Variants in ZSCAN25 observed in about 807,000 individuals in gnomAD.
ZSCAN25 encodes zinc finger and SCAN domain containing 25.
ZSCAN25 carries 27 observed loss-of-function variants against 38.7 expected under a neutral mutation model. The observed-to-expected ratio is 0.70, with a 90% CI of 0.51 to 0.96. The LOEUF is 0.96. Ranked by LOEUF, ZSCAN25 falls within the 40% of genes least tolerant of loss-of-function variation. The pLI, the probability that ZSCAN25 is intolerant of heterozygous loss-of-function variation, is 0.00. For missense variants in ZSCAN25, 637 were observed against 705.9 expected, an observed-to-expected ratio of 0.90 and a Z score of 1.11; for synonymous variants, 273 against 277.7, an observed-to-expected ratio of 0.98 and a Z score of 0.17.
chr7:99,632,986 G>GTTTTTTTTTTTTT (rs201141594), downstream of ZSCAN25, among the ~76,000 whole-genome samples: 6 of 141,464 alleles, frequency 4.2e-5, no homozygotes, highest in East Asian at 2.2e-4. Flanking sequence ...TGCATTTTCT[G>GTTTTTTTTTTTTT]TTGTTTTTTT....
At chr7:99,679,952 C>T in the ZSCAN25 span, 2 of 1,503,034 alleles carry the variant, frequency 1.3e-6, no homozygotes, top group African/African-American at 2.8e-5. Context: ...CTGAGTGCTG[C>T]TGTTTGCTGG....
At chr7:99,709,325 T>C in the ZSCAN25 span, 1 of 1,569,574 alleles carries the variant, frequency 6.4e-7, no homozygotes, top group Non-Finnish European at 8.7e-7. Context: ...ACTCAGTCCA[T>C]GTAGTACTGT....
chr7:99,628,050 G>A lies in ZSCAN25; in HGVS notation c.806-1141G>A, dbSNP rs528216666. On this transcript the variant is annotated intron_variant, in intron 7 of 7. Coordinates refer to ENST00000394152, the MANE Select transcript of ZSCAN25 (RefSeq NM_145115.3). Reference sequence around the variant, plus strand: ...GAGGGTCACTTGAGCCCAGGAATTCGAGACCAGCCTGGGCAACATAGTGAG... The same window carrying A: ...GAGGGTCACTTGAGCCCAGGAATTCAAGACCAGCCTGGGCAACATAGTGAG... 7.2e-5 allele frequency among the ~76,000 whole-genome samples: 11 copies of A among 151,976 alleles called. No homozygotes were observed. The East Asian group carries it at 1.5e-3, about 21-fold the overall frequency.
the ZSCAN25 span, among the ~76,000 whole-genome samples, chr7:99,673,687 T>G: frequency 6.6e-6 from 1 of 152,184 alleles, no homozygotes. Flanking sequence ...TGAAGGAGTT[T>G]TGGCTTTTAA....
the ZSCAN25 span, among the ~76,000 whole-genome samples, chr7:99,695,588 C>G: frequency 6.6e-6 from 1 of 152,040 alleles, no homozygotes; most frequent in South Asian, 2.1e-4. Context: ...CAAGAGAGTC[C>G]CGGGGTAAAC....
At chr7:99,647,670 C>T in the ZSCAN25 span, 1 of 985,328 alleles carries the variant, frequency 1.0e-6, no homozygotes, top group African/African-American at 1.7e-5. Context: ...AATATTTTCT[C>T]CAAACAATGG....
the ZSCAN25 span, among the ~76,000 whole-genome samples, chr7:99,686,514 A>G: frequency 6.6e-6 from 1 of 152,188 alleles, no homozygotes; most frequent in Non-Finnish European, 1.5e-5. Context: ...TGGGAAGCTC[A>G]AACTGGGTGG....
chr7:99,679,855 G>C, the ZSCAN25 span: 2 of 1,614,098 alleles, frequency 1.2e-6, no homozygotes, highest in African/African-American at 1.3e-5. Flanking sequence ...TGACAGCCAG[G>C]AGAAGCCAGG....
In ZSCAN25 at chr7:99,632,225, G is replaced by C. The variant is rs945496869; in HGVS notation, c.*2205G>C. 2 of 985,024 alleles carry C rather than the reference G, an allele frequency of 2.0e-6. No individual in the cohort carries two copies. The highest frequency in any genetic ancestry group is 3.5e-5 in the African/African-American group (2 of 57,130). 61.0% of individuals were successfully genotyped at this position (985,024 alleles called of 1,614,324 possible). A position where few individuals can be genotyped will look rare whatever the true frequency, so the allele number is the denominator to read the frequency against. On this transcript the variant is annotated 3_prime_UTR_variant, in exon 8 of 8. Transcript: ENST00000394152. The stretch of plus-strand genomic sequence containing the variant: ...TGTCTCAGAAAAGCCTCTAAGTAGG[G>C]GGTTTTTCCCATGGGATTGTGGTAG...
chr7:99,624,022 C>A, intron 6 of ZSCAN25, 35 bp from the exon 7 acceptor site: 1 of 1,613,820 alleles, frequency 6.2e-7, no homozygotes, highest in Non-Finnish European at 8.5e-7. Context: ...GCCTAGGATT[C>A]TTTCTTTATT....
In ZSCAN25 at chr7:99,632,167, C is replaced by A. The variant is rs1808050837; in HGVS notation, c.*2147C>A. The A allele has an allele frequency of 1.0e-6, 1 of 985,302 alleles. No homozygotes were observed. The highest frequency in any genetic ancestry group is 1.2e-6 in the Non-Finnish European group (1 of 829,934). 61.0% of individuals were successfully genotyped at this position (985,302 alleles called of 1,614,324 possible). On this transcript the variant is annotated 3_prime_UTR_variant, in exon 8 of 8. Transcript: ENST00000394152. ...GCTGACTTTCCTATCTGGCCTCTTC[C>A]CTATCTCCTGTGGGGCCAAGAGCTT...
the ZSCAN25 span, among the ~76,000 whole-genome samples, chr7:99,661,777 C>T: frequency 6.6e-6 from 1 of 152,226 alleles, no homozygotes; most frequent in Non-Finnish European, 1.5e-5. Context: ...TACTCAGTTA[C>T]ATTGAACCCC....
the ZSCAN25 span, chr7:99,735,214 G>T: frequency 8.1e-6 from 11 of 1,351,658 alleles, no homozygotes; most frequent in Non-Finnish European, 1.1e-5. Flanking sequence ...TGAGGCTGTT[G>T]GATTGTTTAT....
the ZSCAN25 span, chr7:99,730,458 G>T: frequency 6.5e-6 from 1 of 153,654 alleles, no homozygotes; most frequent in Non-Finnish European, 1.4e-5. Flanking sequence ...GTGTCTCAAA[G>T]TGGCAACAGA....
the ZSCAN25 span, chr7:99,663,787 C>CT: frequency 2.4e-5 from 31 of 1,294,834 alleles, no homozygotes; most frequent in African/African-American, 4.5e-4. Context: ...TGCTATCTCT[C>CT]TGACTCATTC....
chr7:99,664,108 CAAAA>C, the ZSCAN25 span: 2 of 1,549,996 alleles, frequency 1.3e-6, no homozygotes, highest in Non-Finnish European at 1.7e-6. Context: ...GTGGGAAAAA[CAAAA>C]CAAACAAAAG....
At chr7:99,686,764 A>G in the ZSCAN25 span, among the ~76,000 whole-genome samples, 1 of 152,072 alleles carries the variant, frequency 6.6e-6, no homozygotes, top group East Asian at 1.9e-4. Context: ...CCCCCCCAGT[A>G]GGGGCAGACT....
At chr7:99,731,911 T>A in the ZSCAN25 span, among the ~76,000 whole-genome samples, 1 of 152,218 alleles carries the variant, frequency 6.6e-6, no homozygotes, top group Admixed American at 6.5e-5. Flanking sequence ...TTTTCCTGAA[T>A]GACACTGTGC....
chr7:99,660,500 T>A, the ZSCAN25 span: 1 of 1,610,092 alleles, frequency 6.2e-7, no homozygotes, highest in Non-Finnish European at 8.5e-7. Context: ...TCCCCTCACC[T>A]TATTGGGCAA....
Sources: gnomAD v4.1 joint callset for allele counts (sites outside exome capture counted in the v4.1 genomes callset) on GRCh38, gnomAD v4.1.1 for gene constraint, MANE v1.5 for transcripts, NCBI Gene and HGNC (gene_info 2026-07-23, HGNC 2026-07-21) for gene names.